TNRC6C: variants seen among roughly 807,000 people sequenced by gnomAD.
The protein encoded by TNRC6C is trinucleotide repeat containing adaptor 6C, also known as trinucleotide repeat-containing gene 6C protein.
Under a neutral mutation model 153.7 loss-of-function variants are expected in TNRC6C, and 20 were observed. The observed-to-expected ratio is 0.13, with a 90% CI of 0.09 to 0.19. The LOEUF is 0.19. TNRC6C is among the 10% of genes least tolerant of loss of function. The pLI is 1.00. For synonymous variants in TNRC6C, 811 were observed against 841.4 expected (o/e 0.96, Z 0.63); for missense variants, 1,987 against 2,172.0 (o/e 0.91, Z 1.69).
At position 78,021,196 on chromosome 17, in the gene TNRC6C, G is replaced by C. The variant is rs115780503; in HGVS notation, c.-545-10320G>C. Among the ~76,000 whole-genome samples, 806 of 152,368 alleles carry C rather than the reference G, an allele frequency of 5.3e-3. 3 individuals are homozygous for C. Among genetic ancestry groups the C allele is most frequent in the African/African-American group, 0.019 (774 of 41,578 alleles). On this transcript the variant is annotated intron_variant, in intron 1 of 19. Transcript: ENST00000301624. ...ACAGTACTCAGGCATCAGTAGCACAGAAATGATGGTCAGAATGGTGAGCAT... is the reference window on the plus strand; with the variant it reads ...ACAGTACTCAGGCATCAGTAGCACACAAATGATGGTCAGAATGGTGAGCAT...
intron 1 of TNRC6C, among the ~76,000 whole-genome samples, chr17:78,006,964 C>A (rs750147170): frequency 6.6e-6 from 1 of 150,948 alleles, no homozygotes; most frequent in Non-Finnish European, 1.5e-5. Context: ...CCCACCCCCA[C>A]CCCATAAGCT....
At chr17:78,046,676 A>T (rs1463411733) in intron 2 of TNRC6C, among the ~76,000 whole-genome samples, 1 of 152,148 alleles carries the variant, frequency 6.6e-6, no homozygotes, top group African/African-American at 2.4e-5. Flanking sequence ...GGTCATAGAG[A>T]TGGTCTCCTT....
At position 77,973,816 on chromosome 17, in the gene TNRC6C, T is replaced by C. The variant is rs369571821; in HGVS notation, c.-38+14548T>C. On this transcript the variant is annotated intron_variant, in intron 1 of 22. Transcript: ENST00000636222. ...TGTTTACACCGAAACTGCAAAAACATTGCTGAGAGAAATTAAAGAGGATCC... is the reference window on the plus strand; with the variant it reads ...TGTTTACACCGAAACTGCAAAAACACTGCTGAGAGAAATTAAAGAGGATCC... Among the ~76,000 whole-genome samples the C allele has an allele frequency of 2.4e-4, 36 of 152,258 alleles. No individual in the cohort carries two copies. The South Asian group carries it at 4.1e-3, about 18-fold the overall frequency.
intron 2 of TNRC6C, among the ~76,000 whole-genome samples, chr17:78,047,195 G>A (rs2072429785): frequency 6.6e-6 from 1 of 151,674 alleles, no homozygotes; most frequent in Admixed American, 6.6e-5. Flanking sequence ...GTGTTAACTT[G>A]GTCTTATTTT....
intron 1 of TNRC6C, 66 bp downstream of exon 3, chr17:78,005,145 C>A: frequency 2.0e-6 from 2 of 997,008 alleles, no homozygotes; most frequent in Non-Finnish European, 2.5e-6. Flanking sequence ...ACCAGGATGA[C>A]TTTTTTTTTT....
At chr17:78,033,651 A>T (rs1598713964) in intron 2 of TNRC6C, among the ~76,000 whole-genome samples, 1 of 151,814 alleles carries the variant, frequency 6.6e-6, no homozygotes, top group Non-Finnish European at 1.5e-5. Flanking sequence ...CCTGGGTGAC[A>T]AGAGTGAAAC....
chr17:78,105,099 GTGT>G (rs1459482612), exon 20 of TNRC6C: 1 of 395,580 alleles, frequency 2.5e-6, no homozygotes, highest in Non-Finnish European at 4.4e-6. Flanking sequence ...TTTGTATAGT[GTGT>G]TGTCATTTTG....
rs1163666733 is a variant in TNRC6C, at chr17:78,006,523, TTCTTC to T, written c.-546+1446_-546+1450del. ...CTTCTTCTTCTTCTTCTTCTTCTTC[TTCTTC>T]TTCTTCTTCTTCTTCTTCTTCTTCT... On this transcript the variant is annotated intron_variant, in intron 1 of 19. Transcript: ENST00000301624. 2.0e-4 allele frequency among the ~76,000 whole-genome samples: 28 copies of T among 139,228 alleles called. No homozygotes were observed. In the East Asian group the frequency reaches 5.7e-3, roughly 28 times the overall value. 91.3% of individuals were successfully genotyped at this position (139,228 alleles called of 152,430 possible). A position where few individuals can be genotyped will look rare whatever the true frequency, so the allele number is the denominator to read the frequency against.
intron 2 of TNRC6C, among the ~76,000 whole-genome samples, chr17:78,035,529 T>C (rs2072162257): frequency 6.6e-6 from 1 of 152,214 alleles, no homozygotes; most frequent in Admixed American, 6.5e-5. Context: ...GAAACACCAT[T>C]GTGAAGCAGA....
chr17:78,104,612 C>T lies in TNRC6C; in HGVS notation c.4840C>T (p.Pro1614Ser), dbSNP rs2073656603. 5 of 1,550,362 alleles carry T rather than the reference C, an allele frequency of 3.2e-6. No individual in the cohort carries two copies. The East Asian group carries it at 9.8e-5, about 30-fold the overall frequency. ...GCAGTCCAGCAGCGCGTCCAGCCAG[C>T]CGCGGCTCAGCGCAGCGGGCAGCTC... The change falls in exon 20 of 20, where the codon CCG becomes TCG. Residue 1614 changes from proline (P) to serine (S), a missense_variant. Around this residue, in one of 4 missense-constraint regions of TNRC6C, gnomAD observed 139 missense variants for 148.5 expected, o/e 0.94. Coordinates refer to ENST00000301624, the Ensembl canonical transcript of TNRC6C. This position sits in a 1 kb window ranked among gnomAD's most constrained non-coding sequence, Gnocchi z 6.2.
chr17:78,080,696 G>A (rs1158315117), intron 10 of TNRC6C, among the ~76,000 whole-genome samples: 5 of 152,160 alleles, frequency 3.3e-5, no homozygotes, highest in Admixed American at 3.3e-4. Context: ...GGCTCTAGTT[G>A]ATACGTAATT....
At chr17:77,973,194 C>T (rs964572665) in intron 1 of TNRC6C, among the ~76,000 whole-genome samples, 1 of 152,226 alleles carries the variant, frequency 6.6e-6, no homozygotes, top group Non-Finnish European at 1.5e-5. Context: ...GCGTGAGCCA[C>T]TACGCCTGGG....
At chr17:78,083,005 A>G (rs780927272) in intron 10 of TNRC6C, 42 bp from the exon 13 acceptor site, 10 of 1,606,686 alleles carry the variant, frequency 6.2e-6, no homozygotes, top group Non-Finnish European at 8.5e-6. Context: ...TAACTATTTT[A>G]ACAGAGATAC....
chr17:77,972,099 A>AG (rs2070944438), intron 1 of TNRC6C, among the ~76,000 whole-genome samples: 1 of 152,194 alleles, frequency 6.6e-6, no homozygotes, highest in South Asian at 2.1e-4. Flanking sequence ...AAACATAAAA[A>AG]CAATAGAGAA....
Position 78,024,529 on chromosome 17 carries a change from G to A in TNRC6C, c.-545-6987G>A, listed in dbSNP as rs551321057. On this transcript the variant is annotated intron_variant, in intron 1 of 19. Coordinates refer to ENST00000301624, the Ensembl canonical transcript of TNRC6C. ...CTACAGGTACCTGCCACCACGCCCG[G>A]CTAATTTTTTGTATTTTAGTAGAGA... 3.3e-3 allele frequency among the ~76,000 whole-genome samples: 494 copies of A among 151,992 alleles called. 2 individuals carry two copies. The highest frequency in any genetic ancestry group is 0.012 in the African/African-American group (478 of 41,476).
intron 18 of TNRC6C, chr17:78,102,832 A>C: frequency 2.5e-6 from 1 of 401,738 alleles, no homozygotes; most frequent in East Asian, 5.0e-5. Flanking sequence ...TTTTACAACT[A>C]GCCATTCAAG....
chr17:78,063,904 C>G (rs1227810365), intron 3 of TNRC6C, among the ~76,000 whole-genome samples: 4 of 152,162 alleles, frequency 2.6e-5, no homozygotes, highest in Non-Finnish European at 5.9e-5. Context: ...AAGATGTAAA[C>G]AAGCTATTTA....
At chr17:78,062,034 A>C (rs1411974015) in intron 3 of TNRC6C, among the ~76,000 whole-genome samples, 1 of 152,208 alleles carries the variant, frequency 6.6e-6, no homozygotes, top group Non-Finnish European at 1.5e-5. Context: ...TTTATAGCTA[A>C]TTGGTCTTTA....
intron 6 of TNRC6C, 38 bp downstream of exon 8, chr17:78,071,203 T>C: frequency 6.4e-7 from 1 of 1,562,048 alleles, no homozygotes; most frequent in South Asian, 1.2e-5. Context: ...CCACCATGCT[T>C]CCCAAAATGA....
Sources: allele counts gnomAD v4.1 joint callset (sites outside exome capture counted in the v4.1 genomes callset), GRCh38; gene constraint gnomAD v4.1.1; regional missense constraint gnomAD v4.1.1; non-coding constraint Gnocchi (gnomAD v3.1); transcripts MANE v1.5; gene names NCBI Gene and HGNC (gene_info 2026-07-23, HGNC 2026-07-21).